Variants in ABI3BP observed in about 807,000 individuals in gnomAD.
ABI3BP encodes the protein ABI family member 3 binding protein.
Under a neutral mutation model 268.6 loss-of-function variants are expected in ABI3BP, and 216 were observed. The observed-to-expected ratio is 0.80, with a 90% CI of 0.72 to 0.90. The LOEUF is 0.90. Among genes scored for constraint, ABI3BP ranks in the 40% least tolerant of loss-of-function variants. The probability of loss-of-function intolerance (pLI) is 0.00; values close to 1 mark genes in which losing one functional copy is unlikely to be tolerated. For missense variants in ABI3BP, 2,090 were observed against 2,182.4 expected (o/e 0.96, Z 0.84); for synonymous variants, 730 against 730.0 (o/e 1.00, Z 0.00).
At chr3:100,982,160 C>T (rs529751512) in intron 1 of ABI3BP, among the ~76,000 whole-genome samples, 5 of 147,018 alleles carry the variant, frequency 3.4e-5, no homozygotes, top group African/African-American at 1.0e-4. Context: ...AACTCACTAT[C>T]ACGAGAACAG....
intron 1 of ABI3BP, among the ~76,000 whole-genome samples, chr3:100,956,244 CACACACACACACACACAT>C (rs1391992480): frequency 1.9e-4 from 28 of 147,356 alleles, no homozygotes; most frequent in African/African-American, 7.2e-4. Flanking sequence ...CACACACACA[CACACACACACACACACAT>C]ATGGCATGTC....
chr3:100,885,375 T>C (rs1252306985), intron 6 of ABI3BP, among the ~76,000 whole-genome samples, 161 bp downstream of exon 6: 1 of 152,100 alleles, frequency 6.6e-6, no homozygotes, highest in African/African-American at 2.4e-5. Context: ...TGCTTTTACT[T>C]AGTATTAAGA....
chr3:100,865,276 A>T (rs1487058243), intron 10 of ABI3BP, among the ~76,000 whole-genome samples: 1 of 152,232 alleles, frequency 6.6e-6, no homozygotes, highest in Non-Finnish European at 1.5e-5. Context: ...CATTTATTGA[A>T]GAATCTGAAG....
chr3:100,870,426 C>T (rs745941705), intron 9 of ABI3BP, among the ~76,000 whole-genome samples: 3 of 150,718 alleles, frequency 2.0e-5, no homozygotes, highest in African/African-American at 4.9e-5. Flanking sequence ...AAATGGCTAA[C>T]AGGTATAAAA....
At chr3:100,864,649 G>GAACTGAA in intron 11 of ABI3BP, 184 bp downstream of exon 11, 1 of 566,886 alleles carries the variant, frequency 1.8e-6, no homozygotes, top group Non-Finnish European at 3.1e-6. Flanking sequence ...TCAGCCATGT[G>GAACTGAA]GTTAACTCTT....
At chr3:100,936,334 T>C (rs979766436) in intron 1 of ABI3BP, among the ~76,000 whole-genome samples, 24 of 152,196 alleles carry the variant, frequency 1.6e-4, no homozygotes, top group African/African-American at 5.5e-4. Context: ...GCCGACTTGA[T>C]CGTGGTGGAT....
chr3:100,959,552 A>G (rs1348375627), intron 1 of ABI3BP, among the ~76,000 whole-genome samples: 1 of 151,906 alleles, frequency 6.6e-6, no homozygotes, highest in Non-Finnish European at 1.5e-5. Flanking sequence ...AGATTCCTCA[A>G]TGTCCCCTAT....
At position 100,804,864 on chromosome 3, in the gene ABI3BP, G is replaced by C; in HGVS notation, c.3685C>G (p.Pro1229Ala). The change falls in exon 51 of 68, where the codon CCT becomes GCT. Residue 1229 changes from proline to alanine, a missense_variant and splice_region_variant. Physicochemically the swap from Pro to Ala is conservative, Grantham distance 27 (BLOSUM62 -1). Coordinates refer to ENST00000471714, the MANE Select transcript of ABI3BP (RefSeq NM_001375547.2). ...RPRIPQTQPV[P>A]KVPQRVTAKP... ...GCAGTAACACGCTGGGGCACCTTAG[G>C]AACTGAAAGAGAGAACTCATATTGT... 6.2e-7 allele frequency: 1 copy of C among 1,612,620 alleles called. No individual in the cohort carries two copies. Among genetic ancestry groups the C allele is most frequent in the Non-Finnish European group, 8.5e-7 (1 of 1,178,850 alleles).
rs1003423350 is a variant in ABI3BP at position 100,751,769 on chromosome 3, C to T, written c.5123-95G>A. ...CATTACTGTTTTTGTACTTTCTCCC[C>T]TCATTCTCTATTACCCTAGTTCAAA... On this transcript the variant is annotated intron_variant, in intron 66 of 67. Coordinates refer to ENST00000471714, the MANE Select transcript of ABI3BP (RefSeq NM_001375547.2). 1.2e-5 allele frequency: 15 copies of T among 1,285,128 alleles called. No individual in the cohort carries two copies. The African/African-American group carries it at 2.1e-4, about 18-fold the overall frequency. 79.6% of individuals were successfully genotyped at this position (1,285,128 alleles called of 1,614,324 possible).
chr3:100,875,074 T>C, intron 8 of ABI3BP, 141 bp from the exon 9 acceptor site: 1 of 530,268 alleles, frequency 1.9e-6, no homozygotes, highest in East Asian at 3.0e-5. Context: ...CTTTAAAACA[T>C]TGGAAAAAAT....
intron 61 of ABI3BP, among the ~76,000 whole-genome samples, chr3:100,772,808 G>C (rs1476588715): frequency 2.0e-5 from 3 of 152,162 alleles, no homozygotes; most frequent in African/African-American, 7.2e-5. Flanking sequence ...GCTGGGCGTG[G>C]TGGCTCATGC....
intron 63 of ABI3BP, among the ~76,000 whole-genome samples, chr3:100,764,541 C>T (rs2096169625): frequency 6.6e-6 from 1 of 152,202 alleles, no homozygotes; most frequent in Admixed American, 6.5e-5. Context: ...GATCTGAGGA[C>T]AGTCCAATTC....
intron 1 of ABI3BP, among the ~76,000 whole-genome samples, chr3:100,981,782 C>T (rs1464147454): frequency 6.6e-6 from 1 of 152,052 alleles, no homozygotes; most frequent in Non-Finnish European, 1.5e-5. Context: ...TCCTCTCTGC[C>T]GATCCTGTTT....
At chr3:100,760,891 TTA>T (rs1491551483) in intron 63 of ABI3BP, among the ~76,000 whole-genome samples, 1 of 152,132 alleles carries the variant, frequency 6.6e-6, no homozygotes, top group Non-Finnish European at 1.5e-5. Context: ...GGTTTTTTTT[TTA>T]AATTTTCATT....
intron 51 of ABI3BP, among the ~76,000 whole-genome samples, chr3:100,804,108 G>A (rs1471632328): frequency 6.6e-6 from 1 of 152,180 alleles, no homozygotes; most frequent in South Asian, 2.1e-4. Flanking sequence ...TGGCTTTTTA[G>A]AGAAAGTTGT....
intron 11 of ABI3BP, 64 bp downstream of exon 11, chr3:100,864,769 G>A (rs1353926410): frequency 4.0e-6 from 5 of 1,265,206 alleles, no homozygotes; most frequent in Non-Finnish European, 2.2e-6. Flanking sequence ...TTTTCTGTGA[G>A]TCCTGGGAGT....
intron 1 of ABI3BP, among the ~76,000 whole-genome samples, chr3:100,953,554 A>G (rs2075829571): frequency 6.6e-6 from 1 of 152,160 alleles, no homozygotes; most frequent in South Asian, 2.1e-4. Flanking sequence ...GCAAAAGAAA[A>G]TAAGGATTTT....
chr3:100,915,798 G>A (rs1450737507), intron 2 of ABI3BP, among the ~76,000 whole-genome samples: 1 of 152,166 alleles, frequency 6.6e-6, no homozygotes, highest in East Asian at 1.9e-4. Flanking sequence ...CCTGCACACT[G>A]ACCACAACGC....
intron 58 of ABI3BP, 101 bp downstream of exon 58, chr3:100,780,031 G>C: frequency 1.3e-5 from 13 of 982,854 alleles, no homozygotes; most frequent in Non-Finnish European, 1.9e-5. Context: ...TACTTCGGGG[G>C]CTGTGTGGAT....
Sources: gnomAD v4.1 joint callset for allele counts (sites outside exome capture counted in the v4.1 genomes callset) on GRCh38, gnomAD v4.1.1 for gene constraint, MANE v1.5 for transcripts, NCBI Gene and HGNC (gene_info 2026-07-23, HGNC 2026-07-21) for gene names.